Variants in PCDH9 observed in about 807,000 individuals in gnomAD.
The protein encoded by PCDH9 is protocadherin-9.
Under a neutral mutation model 70.6 loss-of-function variants are expected in PCDH9, and 24 were observed. The observed-to-expected ratio is 0.34, with a 90% CI of 0.25 to 0.48. The LOEUF is 0.48. PCDH9 is among the 20% of genes least tolerant of loss of function. PCDH9 has a pLI of 0.99. For synonymous variants in PCDH9, 562 were observed against 558.5 expected (o/e 1.01, Z -0.09); for missense variants, 1,281 against 1,503.6 (o/e 0.85, Z 2.45).
At chr13:67,107,260 C>T (rs185245987) in intron 2 of PCDH9, among the ~76,000 whole-genome samples, 2 of 150,480 alleles carry the variant, frequency 1.3e-5, no homozygotes, top group East Asian at 3.9e-4. Flanking sequence ...CTCCTTCAAG[C>T]CCGTGTCAGC....
intron 4 of PCDH9, among the ~76,000 whole-genome samples, chr13:66,403,836 C>T (rs961416279): frequency 7.2e-5 from 11 of 151,836 alleles, no homozygotes; most frequent in African/African-American, 9.7e-5. Flanking sequence ...ACTTACAGAC[C>T]CCAGGAGTCC....
At chr13:67,092,698 C>A (rs1470937244) in intron 2 of PCDH9, among the ~76,000 whole-genome samples, 1 of 152,198 alleles carries the variant, frequency 6.6e-6, no homozygotes. Flanking sequence ...CATGATTTCT[C>A]CCCTATGTTA....
intron 2 of PCDH9, among the ~76,000 whole-genome samples, chr13:66,992,689 C>T (rs914817575): frequency 5.3e-5 from 8 of 152,054 alleles, no homozygotes; most frequent in Non-Finnish European, 5.9e-5. Flanking sequence ...AAGCCCTGAA[C>T]AAGTTTGAAC....
At chr13:66,927,066 A>G (rs993435945) in intron 2 of PCDH9, among the ~76,000 whole-genome samples, 4 of 152,024 alleles carry the variant, frequency 2.6e-5, no homozygotes, top group African/African-American at 4.8e-5. Flanking sequence ...GGGAAATTAT[A>G]TTTATGTTTC....
chr13:67,069,048 T>C (rs2085707467), intron 2 of PCDH9, among the ~76,000 whole-genome samples: 1 of 152,142 alleles, frequency 6.6e-6, no homozygotes, highest in African/African-American at 2.4e-5. Flanking sequence ...CATTTTAAGA[T>C]TGGGAATGCT....
chr13:67,219,497 G>A (rs1245629903), intron 2 of PCDH9: 2 of 151,974 alleles, frequency 1.3e-5, no homozygotes, highest in Non-Finnish European at 2.9e-5. Context: ...GTAGTATAAT[G>A]TAGATTTGGG....
chr13:66,435,298 G>A (rs1160616454), intron 4 of PCDH9, among the ~76,000 whole-genome samples: 2 of 152,088 alleles, frequency 1.3e-5, no homozygotes, highest in African/African-American at 2.4e-5. Context: ...AGGCAAAATA[G>A]GATATATGAC....
At chr13:66,968,302 C>G (rs1359201976) in intron 2 of PCDH9, among the ~76,000 whole-genome samples, 1 of 151,962 alleles carries the variant, frequency 6.6e-6, no homozygotes, top group East Asian at 1.9e-4. Flanking sequence ...ACATTATCTT[C>G]AAGCTACTCT....
intron 2 of PCDH9, among the ~76,000 whole-genome samples, chr13:66,915,345 T>C (rs2082540187): frequency 6.6e-6 from 1 of 151,644 alleles, no homozygotes; most frequent in African/African-American, 2.4e-5. Context: ...TATAGAAGTT[T>C]TTTATTCAAC....
intron 3 of PCDH9, among the ~76,000 whole-genome samples, chr13:66,666,605 A>G (rs2078101114): frequency 6.6e-6 from 1 of 152,130 alleles, no homozygotes; most frequent in African/African-American, 2.4e-5. Context: ...TACCCTAACA[A>G]AATAGTCCAA....
At chr13:67,035,162 T>TC (rs1284965972) in intron 2 of PCDH9, among the ~76,000 whole-genome samples, 1 of 152,142 alleles carries the variant, frequency 6.6e-6, no homozygotes, top group African/African-American at 2.4e-5. Context: ...AATAGATCTT[T>TC]TGACCAAGGG....
At chr13:66,989,696 A>G (rs555752479) in intron 2 of PCDH9, among the ~76,000 whole-genome samples, 1 of 152,022 alleles carries the variant, frequency 6.6e-6, no homozygotes, top group African/African-American at 2.4e-5. Context: ...TATCTAAATT[A>G]TTGTTAAAAT....
chr13:66,685,141 A>G (rs1403143044), intron 3 of PCDH9, among the ~76,000 whole-genome samples: 1 of 152,206 alleles, frequency 6.6e-6, no homozygotes, highest in Non-Finnish European at 1.5e-5. Context: ...TCTCCAGGGC[A>G]TGTCAGAGGT....
intron 2 of PCDH9, among the ~76,000 whole-genome samples, chr13:67,009,791 T>C (rs2084419822): frequency 6.6e-6 from 1 of 151,638 alleles, no homozygotes; most frequent in Non-Finnish European, 1.5e-5. Flanking sequence ...TTAGTTAAGT[T>C]TTTTTTTGCT....
At chr13:67,043,863 C>T (rs900957088) in intron 2 of PCDH9, among the ~76,000 whole-genome samples, 3 of 152,048 alleles carry the variant, frequency 2.0e-5, no homozygotes, top group Admixed American at 6.6e-5. Context: ...GAGAGTAGTG[C>T]TGATTTTCCA....
intron 4 of PCDH9, among the ~76,000 whole-genome samples, chr13:66,520,241 T>C (rs1593613317): frequency 6.6e-6 from 1 of 152,210 alleles, no homozygotes; most frequent in South Asian, 2.1e-4. Context: ...CAACAGACTT[T>C]CCTGAATTTG....
At chr13:66,562,568 C>T (rs192351552) in intron 4 of PCDH9, among the ~76,000 whole-genome samples, 43 of 152,194 alleles carry the variant, frequency 2.8e-4, no homozygotes, top group Admixed American at 2.7e-3. Context: ...GGGGAACTGC[C>T]CTTTATAAAA....
chr13:66,780,954 T>C (rs2139298084), intron 3 of PCDH9, among the ~76,000 whole-genome samples: 1 of 152,290 alleles, frequency 6.6e-6, no homozygotes, highest in East Asian at 1.9e-4. Context: ...GAAGCTGTAA[T>C]TGTGGAGTTT....
intron 3 of PCDH9, among the ~76,000 whole-genome samples, chr13:66,676,495 A>T (rs2078244680): frequency 6.6e-6 from 1 of 152,160 alleles, no homozygotes; most frequent in Non-Finnish European, 1.5e-5. Flanking sequence ...TGTAATTCTT[A>T]TATGACTTAA....
Sources: allele counts gnomAD v4.1 joint callset (sites outside exome capture counted in the v4.1 genomes callset), GRCh38; gene constraint gnomAD v4.1.1; transcripts MANE v1.5; gene names NCBI Gene and HGNC (gene_info 2026-07-23, HGNC 2026-07-21).